Variants in LRMDA observed in about 807,000 individuals in gnomAD.
The protein encoded by LRMDA is leucine rich melanocyte differentiation associated, also known as leucine-rich melanocyte differentiation-associated protein.
Under a neutral mutation model 29.8 loss-of-function variants are expected in LRMDA, and 18 were observed. The ratio of observed to expected loss-of-function variants is 0.60; its 90% CI spans 0.42 to 0.90. The LOEUF (loss-of-function observed/expected upper bound fraction) is 0.90, where lower values mean the gene tolerates loss of function less well. Ranked by LOEUF, LRMDA falls within the 40% of genes least tolerant of loss-of-function variation. LRMDA has a pLI of 0.00. For missense variants in LRMDA, 273 were observed against 273.9 expected (o/e 1.00, Z 0.02); for synonymous variants, 125 against 109.4 (o/e 1.14, Z -0.89).
intron 6 of LRMDA, among the ~76,000 whole-genome samples, chr10:76,540,421 C>T (rs1240372893): frequency 2.0e-5 from 3 of 152,172 alleles, no homozygotes; most frequent in Non-Finnish European, 2.9e-5. Context: ...CACAAAGCCT[C>T]TAAAATACAA....
intron 2 of LRMDA, among the ~76,000 whole-genome samples, chr10:75,589,608 A>G (rs1840696485): frequency 6.6e-6 from 1 of 152,080 alleles, no homozygotes; most frequent in African/African-American, 2.4e-5. Context: ...CAAAAACAAA[A>G]CAAAAATTAG....
At chr10:76,417,092 T>C (rs2132515619) in intron 6 of LRMDA, among the ~76,000 whole-genome samples, 1 of 152,300 alleles carries the variant, frequency 6.6e-6, no homozygotes. Context: ...CTTGGTGGGA[T>C]TAGGTGGGAA....
At chr10:76,298,349 G>A (rs1047602982) in intron 5 of LRMDA, among the ~76,000 whole-genome samples, 24 of 152,200 alleles carry the variant, frequency 1.6e-4, no homozygotes, top group Admixed American at 2.6e-4. Flanking sequence ...GAGATTGTCA[G>A]CTGCTTCCAA....
At chr10:75,886,995 T>G (rs747052476) in intron 2 of LRMDA, among the ~76,000 whole-genome samples, 1 of 152,160 alleles carries the variant, frequency 6.6e-6, no homozygotes, top group Non-Finnish European at 1.5e-5. Context: ...TGTGGTAAGT[T>G]CTGGGCCGCT....
In LRMDA at chr10:76,149,392, C is replaced by A. The variant is rs114772712; in HGVS notation, c.516+90609C>A. On this transcript the variant is annotated intron_variant, in intron 5 of 6. Coordinates refer to ENST00000611255, the MANE Select transcript of LRMDA (RefSeq NM_001305581.2). ...GCTCTGTAAGTGATTGGCTGAGTGA[C>A]TCACATGAAAACCTCATTTTTCAGT... Among the ~76,000 whole-genome samples, 1,119 of 152,282 alleles carry A rather than the reference C, an allele frequency of 7.3e-3. 11 individuals carry two copies. The highest frequency in any genetic ancestry group is 0.025 in the African/African-American group (1,038 of 41,528).
chr10:75,846,692 T>G (rs1387284744), intron 2 of LRMDA, among the ~76,000 whole-genome samples: 1 of 151,848 alleles, frequency 6.6e-6, no homozygotes, highest in East Asian at 1.9e-4. Flanking sequence ...AGTAAATAAA[T>G]AAATAATACC....
chr10:76,071,235 A>G (rs1019824065), intron 5 of LRMDA, among the ~76,000 whole-genome samples: 5 of 152,236 alleles, frequency 3.3e-5, no homozygotes, highest in Admixed American at 1.3e-4. Context: ...GGAGCTTGTT[A>G]CACATGTCCA....
chr10:76,322,722 C>G (rs1180804580), intron 5 of LRMDA, among the ~76,000 whole-genome samples: 3 of 152,130 alleles, frequency 2.0e-5, no homozygotes, highest in Non-Finnish European at 4.4e-5. Context: ...CAAACTAAAA[C>G]TCATGTTGGA....
chr10:76,291,953 C>T (rs1427105516), intron 5 of LRMDA, among the ~76,000 whole-genome samples: 1 of 146,554 alleles, frequency 6.8e-6, no homozygotes, highest in Non-Finnish European at 1.5e-5. Flanking sequence ...CACACACACA[C>T]AAATTCTTGT....
Position 75,506,263 on chromosome 10 carries a change from G to T in LRMDA, c.131+67769G>T, listed in dbSNP as rs1248155115. 2.6e-5 allele frequency among the ~76,000 whole-genome samples: 4 copies of T among 152,260 alleles called. No homozygotes were observed. In the South Asian group the frequency reaches 8.3e-4, roughly 32 times the overall value. ...CGCAGGTGTGATGGGGAATAGGAGG[G>T]CATTCTGAGAGGACTTAGAGAAAAG... On this transcript the variant is annotated intron_variant, in intron 2 of 6. Coordinates refer to ENST00000611255, the MANE Select transcript of LRMDA (RefSeq NM_001305581.2).
intron 2 of LRMDA, among the ~76,000 whole-genome samples, chr10:75,757,628 A>T (rs1843048040): frequency 6.6e-6 from 1 of 152,150 alleles, no homozygotes. Context: ...CAATGAGATC[A>T]TAGTGGAACT....
At chr10:76,455,162 T>C (rs73292557) in intron 6 of LRMDA, among the ~76,000 whole-genome samples, 4 of 152,302 alleles carry the variant, frequency 2.6e-5, no homozygotes, top group African/African-American at 9.6e-5. Context: ...CTGTTGCCCA[T>C]TGGATCAACA....
rs181638804 is a variant in LRMDA at position 76,217,167 on chromosome 10, G to A, written c.517-107234G>A. On this transcript the variant is annotated intron_variant, in intron 5 of 6. Coordinates refer to ENST00000611255, the MANE Select transcript of LRMDA (RefSeq NM_001305581.2). ...TTATATATGTGAATGTGTATGTATC[G>A]ATACAAATATGTATGTATGTATATG... Among the ~76,000 whole-genome samples the A allele has an allele frequency of 3.1e-4, 47 of 152,126 alleles. No individual in the cohort carries two copies. In the East Asian group the frequency reaches 6.9e-3, roughly 22 times the overall value.
intron 2 of LRMDA, among the ~76,000 whole-genome samples, chr10:75,830,950 G>C (rs1460275982): frequency 1.3e-5 from 2 of 152,112 alleles, no homozygotes; most frequent in African/African-American, 4.8e-5. Flanking sequence ...AGGAGTACAG[G>C]AATTGGGTAA....
At chr10:76,064,342 G>A (rs563437466) in intron 5 of LRMDA, among the ~76,000 whole-genome samples, 1 of 152,208 alleles carries the variant, frequency 6.6e-6, no homozygotes, top group Admixed American at 6.5e-5. Context: ...CGTTCTCCTC[G>A]TCACTCGGGG....
intron 2 of LRMDA, among the ~76,000 whole-genome samples, chr10:75,707,829 A>AGGT (rs1410194593): frequency 6.6e-6 from 1 of 152,012 alleles, no homozygotes; most frequent in East Asian, 1.9e-4. Context: ...TCCCTGTTAG[A>AGGT]GGTGGGGACG....
At chr10:75,710,879 A>G (rs1029536262) in intron 2 of LRMDA, among the ~76,000 whole-genome samples, 9 of 152,250 alleles carry the variant, frequency 5.9e-5, no homozygotes, top group Admixed American at 4.6e-4. Context: ...GGACGCTGTG[A>G]TTGATTTCTG....
At chr10:76,305,563 G>C (rs1840544192) in intron 5 of LRMDA, among the ~76,000 whole-genome samples, 2 of 152,164 alleles carry the variant, frequency 1.3e-5, no homozygotes, top group Admixed American at 1.3e-4. Context: ...GAGAGTTGAA[G>C]ACTAAGATGG....
chr10:76,544,650 C>T (rs1341958246), intron 6 of LRMDA, among the ~76,000 whole-genome samples: 2 of 151,818 alleles, frequency 1.3e-5, no homozygotes, highest in African/African-American at 2.4e-5. Context: ...TTAATTCTTC[C>T]TTAACCTACA....
Sources: gnomAD v4.1 joint callset for allele counts (sites outside exome capture counted in the v4.1 genomes callset) on GRCh38, gnomAD v4.1.1 for gene constraint, MANE v1.5 for transcripts, NCBI Gene and HGNC (gene_info 2026-07-23, HGNC 2026-07-21) for gene names.